The following FMN2 variants were observed in gnomAD, a reference collection of about 807,000 sequenced individuals.
FMN2 encodes formin-2.
In FMN2, 51 loss-of-function variants were observed where a neutral mutation model predicts 142.3. The observed-to-expected ratio is 0.36, with a 90% confidence interval of 0.29 to 0.45. The LOEUF is 0.45. Among genes scored for constraint, FMN2 ranks in the 20% least tolerant of loss-of-function variants. FMN2 has a pLI of 1.00. For synonymous variants in FMN2, 882 were observed against 869.8 expected (o/e 1.01, Z -0.25); for missense variants, 1,936 against 2,122.8 (o/e 0.91, Z 1.73).
At chr1:240,311,346 A>T (rs560526767) in intron 8 of FMN2, among the ~76,000 whole-genome samples, 1 of 152,178 alleles carries the variant, frequency 6.6e-6, no homozygotes, top group South Asian at 2.1e-4. Context: ...TTCCTAGAGG[A>T]ATTTAATTGA....
intron 3 of FMN2, among the ~76,000 whole-genome samples, chr1:240,186,015 T>C (rs984114185): frequency 6.6e-6 from 1 of 152,226 alleles, no homozygotes; most frequent in African/African-American, 2.4e-5. Context: ...CATTTTTGAT[T>C]AGCTCAATGA....
intron 1 of FMN2, among the ~76,000 whole-genome samples, chr1:240,111,311 G>A (rs535423883): frequency 3.9e-5 from 6 of 152,266 alleles, no homozygotes; most frequent in African/African-American, 9.6e-5. Context: ...GATCTTGTAC[G>A]AGAAAGAATT....
chr1:240,376,464 G>A (rs1673047488), intron 14 of FMN2, among the ~76,000 whole-genome samples: 2 of 150,894 alleles, frequency 1.3e-5, no homozygotes, highest in Non-Finnish European at 3.0e-5. Context: ...CTTCATATCT[G>A]TGGGTTCTGC....
intron 15 of FMN2, among the ~76,000 whole-genome samples, chr1:240,418,531 A>C (rs948817508): frequency 6.6e-6 from 1 of 152,112 alleles, no homozygotes; most frequent in African/African-American, 2.4e-5. Context: ...CTATTAACTT[A>C]GTAGTGTGTT....
chr1:240,213,488 T>C (rs1171903627), intron 6 of FMN2, among the ~76,000 whole-genome samples: 5 of 152,210 alleles, frequency 3.3e-5, no homozygotes. Flanking sequence ...TTTAACTTCA[T>C]TGTATTTGGA....
At chr1:240,130,704 C>A (rs909259260) in intron 2 of FMN2, among the ~76,000 whole-genome samples, 1 of 152,190 alleles carries the variant, frequency 6.6e-6, no homozygotes, top group Non-Finnish European at 1.5e-5. Context: ...GAACTCCCAT[C>A]CAGCACAACA....
chr1:240,435,007 A>G (rs1675317398), intron 15 of FMN2, among the ~76,000 whole-genome samples: 1 of 152,206 alleles, frequency 6.6e-6, no homozygotes, highest in African/African-American at 2.4e-5. Context: ...CCAAAGAAAT[A>G]GCTACCAGCG....
chr1:240,211,287 GA>G lies in FMN2; in HGVS notation c.4065+54del, dbSNP rs745502516. Reference sequence around the variant, plus strand: ...TGGACAGTGTTTCTGGCATAAGTGTGAACTGTCATTAGAGAAAACTTTGAAA... The same window carrying G: ...TGGACAGTGTTTCTGGCATAAGTGTGACTGTCATTAGAGAAAACTTTGAAA... On this transcript the variant is annotated intron_variant, in intron 6 of 17. Transcript: ENST00000319653. 3.8e-6 allele frequency: 6 copies of G among 1,559,692 alleles called. No individual in the cohort carries two copies. The South Asian group carries it at 7.0e-5, about 18-fold the overall frequency.
intron 1 of FMN2, among the ~76,000 whole-genome samples, chr1:240,095,529 G>A (rs1025291880): frequency 2.0e-5 from 3 of 152,040 alleles, no homozygotes; most frequent in Admixed American, 6.6e-5. Flanking sequence ...TCTAAGGCTC[G>A]CTGACTAGTG....
chr1:240,252,669 C>T (rs1275980729), intron 6 of FMN2, among the ~76,000 whole-genome samples: 1 of 151,306 alleles, frequency 6.6e-6, no homozygotes, highest in African/African-American at 2.4e-5. Flanking sequence ...TGACTAGATG[C>T]TTATCTCTTG....
At chr1:240,343,137 A>G (rs930968587) in intron 13 of FMN2, among the ~76,000 whole-genome samples, 1 of 152,224 alleles carries the variant, frequency 6.6e-6, no homozygotes, top group Non-Finnish European at 1.5e-5. Context: ...GACGGGGCTC[A>G]TTGCAGTGGA....
intron 13 of FMN2, among the ~76,000 whole-genome samples, chr1:240,355,358 C>A (rs1672228345): frequency 6.6e-6 from 1 of 152,050 alleles, no homozygotes; most frequent in Non-Finnish European, 1.5e-5. Flanking sequence ...TAGGAATAAA[C>A]TTTTATTATA....
rs56686860 is a variant in FMN2, at chr1:240,271,098, G to GTTTTTTTTT, written c.4153+13077_4153+13085dup. ...ACCCCCCTAGGAACTTTCCACGATG[G>GTTTTTTTTT]TTTTTTTTTTTTTTTTTTTGTGACT... On this transcript the variant is annotated intron_variant, in intron 7 of 17. Coordinates refer to ENST00000319653, the MANE Select transcript of FMN2 (RefSeq NM_020066.5). Among the ~76,000 whole-genome samples, 273 of 72,218 alleles carry GTTTTTTTTT rather than the reference G, an allele frequency of 3.8e-3. 32 individuals are homozygous for GTTTTTTTTT. Among genetic ancestry groups the GTTTTTTTTT allele is most frequent in the African/African-American group, 9.1e-3 (137 of 15,102 alleles). The allele number at this position is 72,218 out of a possible 152,430, so 47.4% of individuals were successfully genotyped here.
chr1:240,417,463 G>C (rs931394457), intron 15 of FMN2, among the ~76,000 whole-genome samples: 7 of 151,946 alleles, frequency 4.6e-5, no homozygotes, highest in Admixed American at 6.6e-5. Flanking sequence ...ATAGGGCCTG[G>C]TACTGTGAAT....
chr1:240,450,008 A>G (rs1675954200), intron 16 of FMN2, among the ~76,000 whole-genome samples: 1 of 152,048 alleles, frequency 6.6e-6, no homozygotes, highest in South Asian at 2.1e-4. Context: ...AGGTCTTTAG[A>G]CTTGTTCATT....
chr1:240,265,992 G>A (rs572159253), intron 7 of FMN2, among the ~76,000 whole-genome samples: 2 of 147,748 alleles, frequency 1.4e-5, no homozygotes, highest in South Asian at 2.2e-4. Context: ...GACAAAAGGA[G>A]GGTGTAGAAT....
chr1:240,303,071 A>T (rs1310204265), intron 8 of FMN2, among the ~76,000 whole-genome samples: 1 of 151,708 alleles, frequency 6.6e-6, no homozygotes, highest in Non-Finnish European at 1.5e-5. Flanking sequence ...TTAAGTAAAA[A>T]GAAGTATATT....
chr1:240,116,468 G>A (rs919579976), intron 1 of FMN2, among the ~76,000 whole-genome samples: 3 of 152,166 alleles, frequency 2.0e-5, no homozygotes, highest in Non-Finnish European at 1.5e-5. Context: ...AAAGGGACTT[G>A]GGAGAAAATG....
intron 15 of FMN2, among the ~76,000 whole-genome samples, chr1:240,433,456 A>G (rs1043196202): frequency 2.0e-5 from 3 of 152,018 alleles, no homozygotes; most frequent in Non-Finnish European, 4.4e-5. Flanking sequence ...TTTTACTTGC[A>G]TTTTCTATTT....
Sources: gnomAD v4.1 joint callset for allele counts (sites outside exome capture counted in the v4.1 genomes callset) on GRCh38, gnomAD v4.1.1 for gene constraint, MANE v1.5 for transcripts, NCBI Gene and HGNC (gene_info 2026-07-23, HGNC 2026-07-21) for gene names.